CCSER1: variants seen among roughly 807,000 people sequenced by gnomAD.
The protein encoded by CCSER1 is coiled-coil serine rich protein 1.
In CCSER1, 41 loss-of-function variants were observed where a neutral mutation model predicts 82.0. That is an observed-to-expected ratio of 0.50 (90% CI 0.39 to 0.65). The LOEUF (loss-of-function observed/expected upper bound fraction) is 0.65. CCSER1 is among the 30% of genes least tolerant of loss of function. The pLI is 0.00. For missense variants in CCSER1, 1,119 were observed against 1,064.2 expected, an observed-to-expected ratio of 1.05 and a Z score of -0.72; for synonymous variants, 414 against 383.9, an observed-to-expected ratio of 1.08 and a Z score of -0.92.
intron 5 of CCSER1, among the ~76,000 whole-genome samples, chr4:90,538,605 G>A (rs1775718797): frequency 6.6e-6 from 1 of 151,892 alleles, no homozygotes; most frequent in Non-Finnish European, 1.5e-5. Context: ...GTATTATTTT[G>A]TAGCATGATA....
intron 3 of CCSER1, among the ~76,000 whole-genome samples, chr4:90,364,734 A>G (rs1292602251): frequency 6.6e-6 from 1 of 151,982 alleles, no homozygotes; most frequent in African/African-American, 2.4e-5. Flanking sequence ...AGTTAGTGTG[A>G]TGATGTAGAT....
At chr4:91,459,210 T>G (rs1265361446) in intron 10 of CCSER1, among the ~76,000 whole-genome samples, 1 of 152,132 alleles carries the variant, frequency 6.6e-6, no homozygotes, top group Non-Finnish European at 1.5e-5. Flanking sequence ...ATTGTATTTA[T>G]TTTTATTATT....
chr4:90,509,502 C>A (rs910032332), intron 5 of CCSER1, among the ~76,000 whole-genome samples: 6 of 152,278 alleles, frequency 3.9e-5, no homozygotes, highest in Admixed American at 1.3e-4. Flanking sequence ...TCTACCACTA[C>A]AATTGCAATC....
chr4:90,271,073 A>G (rs1197864004), intron 1 of CCSER1, among the ~76,000 whole-genome samples: 2 of 152,144 alleles, frequency 1.3e-5, no homozygotes, highest in East Asian at 1.9e-4. Context: ...ACCCACATCA[A>G]TCTACAGATT....
At chr4:91,058,909 A>G (rs1402411268) in intron 9 of CCSER1, among the ~76,000 whole-genome samples, 4 of 151,996 alleles carry the variant, frequency 2.6e-5, no homozygotes, top group Non-Finnish European at 5.9e-5. Context: ...CACAAGCATC[A>G]TTTGCACTGA....
intron 6 of CCSER1, among the ~76,000 whole-genome samples, chr4:90,709,273 A>G (rs1334640912): frequency 6.6e-6 from 1 of 152,048 alleles, no homozygotes; most frequent in Non-Finnish European, 1.5e-5. Flanking sequence ...ATTTTTATCT[A>G]TTTCTCTTCA....
chr4:90,783,549 C>G (rs1456963696), intron 7 of CCSER1, among the ~76,000 whole-genome samples: 1 of 152,176 alleles, frequency 6.6e-6, no homozygotes, highest in African/African-American at 2.4e-5. Flanking sequence ...CCATCAGGTT[C>G]TTACGGTAAG....
At position 90,307,038 on chromosome 4, in the gene CCSER1, AG is replaced by A. The variant is rs556262722; in HGVS notation, c.-41-1203del. ...CATGCTGATTATGAGCTGACCCTGT[AG>A]GGTTTTTTATTCCTGCTTTACCAGG... is the stretch of plus-strand genomic sequence containing the variant. On this transcript the variant is annotated intron_variant, in intron 1 of 10. Coordinates refer to ENST00000509176, the MANE Select transcript of CCSER1 (RefSeq NM_001145065.2). Among the ~76,000 whole-genome samples the A allele has an allele frequency of 3.9e-5, 6 of 152,312 alleles. No individual in the cohort carries two copies. The South Asian group carries it at 1.2e-3, about 32-fold the overall frequency.
intron 5 of CCSER1, among the ~76,000 whole-genome samples, chr4:90,469,688 A>G (rs1367839505): frequency 6.6e-6 from 1 of 152,116 alleles, no homozygotes; most frequent in Non-Finnish European, 1.5e-5. Flanking sequence ...TGACCATTCT[A>G]TAGCTTCAGC....
chr4:91,328,301 G>A (rs1746705557), intron 10 of CCSER1, among the ~76,000 whole-genome samples: 1 of 152,162 alleles, frequency 6.6e-6, no homozygotes, highest in African/African-American at 2.4e-5. Context: ...CTGTCTGAGA[G>A]GCCTCAGGAA....
intron 4 of CCSER1, among the ~76,000 whole-genome samples, chr4:90,447,981 A>G (rs1760890940): frequency 6.6e-6 from 1 of 152,106 alleles, no homozygotes. Flanking sequence ...GTTTCCTAAC[A>G]GTGTGTAATT....
In CCSER1 at chr4:90,336,432, A is replaced by G. The variant is rs879633234; in HGVS notation, c.1509+23385A>G. On this transcript the variant is annotated intron_variant, in intron 3 of 10. Transcript: ENST00000509176. ...ACACTTAGGACCAATTTGAACTGACAATTCTGTGCTTTCATTAATAGACTA... is the reference window on the plus strand; with the variant it reads ...ACACTTAGGACCAATTTGAACTGACGATTCTGTGCTTTCATTAATAGACTA... 3.9e-5 allele frequency among the ~76,000 whole-genome samples: 6 copies of G among 152,194 alleles called. No homozygotes were observed. In the South Asian group the frequency reaches 1.2e-3, roughly 31 times the overall value.
At chr4:90,820,888 T>C (rs1266259664) in intron 8 of CCSER1, among the ~76,000 whole-genome samples, 1 of 152,132 alleles carries the variant, frequency 6.6e-6, no homozygotes, top group Non-Finnish European at 1.5e-5. Context: ...TTTGAGAAAT[T>C]AGACTGCTCA....
At chr4:91,004,141 G>A (rs1738294961) in intron 9 of CCSER1, among the ~76,000 whole-genome samples, 1 of 152,144 alleles carries the variant, frequency 6.6e-6, no homozygotes, top group Non-Finnish European at 1.5e-5. Flanking sequence ...CGGCTCTTCT[G>A]GTTTATTCCT....
intron 10 of CCSER1, among the ~76,000 whole-genome samples, chr4:91,184,312 A>G (rs1301719836): frequency 6.6e-6 from 1 of 152,244 alleles, no homozygotes; most frequent in Non-Finnish European, 1.5e-5. Context: ...CAGGTTGTTT[A>G]CTGCAGGAAT....
intron 10 of CCSER1, among the ~76,000 whole-genome samples, chr4:91,368,669 T>A (rs1259386743): frequency 6.6e-6 from 1 of 152,188 alleles, no homozygotes; most frequent in Non-Finnish European, 1.5e-5. Flanking sequence ...ATTTTATGGA[T>A]CAAACATTTA....
At chr4:90,708,862 AAGATATGATACATTT>A (rs1194559693) in intron 6 of CCSER1, among the ~76,000 whole-genome samples, 1 of 152,164 alleles carries the variant, frequency 6.6e-6, no homozygotes. Flanking sequence ...TTGCCAGTTG[AAGATATGATACATTT>A]AGAACCCTCA....
chr4:91,094,216 C>T (rs182126206), intron 10 of CCSER1, among the ~76,000 whole-genome samples: 250 of 152,256 alleles, frequency 1.6e-3, no homozygotes, highest in Non-Finnish European at 2.7e-3. Flanking sequence ...GGTCTCGAGC[C>T]AACACCTCCC....
At chr4:91,552,528 T>G (rs1309626851) in intron 10 of CCSER1, among the ~76,000 whole-genome samples, 5 of 151,600 alleles carry the variant, frequency 3.3e-5, no homozygotes, top group African/African-American at 1.2e-4. Context: ...TCTTTATATT[T>G]AGAGCTAGAG....
Sources: allele counts gnomAD v4.1 joint callset (sites outside exome capture counted in the v4.1 genomes callset), GRCh38; gene constraint gnomAD v4.1.1; transcripts MANE v1.5; gene names NCBI Gene and HGNC (gene_info 2026-07-23, HGNC 2026-07-21).